The following ARHGAP24 variants were observed in gnomAD, a reference collection of about 807,000 sequenced individuals.
ARHGAP24 encodes the protein rho GTPase-activating protein 24.
ARHGAP24 carries 50 observed loss-of-function variants against 76.4 expected under a neutral mutation model. That is an observed-to-expected ratio of 0.65 (90% confidence interval 0.52 to 0.83). The LOEUF (loss-of-function observed/expected upper bound fraction) is 0.83, where lower values mean the gene tolerates loss of function less well. ARHGAP24 is among the 40% of genes least tolerant of loss of function. ARHGAP24 has a pLI of 0.00. For missense variants in ARHGAP24, 930 were observed against 914.2 expected (o/e 1.02, Z -0.22); for synonymous variants, 345 against 323.3 (o/e 1.07, Z -0.72).
rs138377989 is a variant in ARHGAP24 at position 85,850,395 on chromosome 4, A to C, written c.269-73253A>C. Among the ~76,000 whole-genome samples, 618 of 152,122 alleles carry C rather than the reference A, an allele frequency of 4.1e-3. 8 individuals are homozygous for C. Among genetic ancestry groups the C allele is most frequent in the African/African-American group, 0.013 (539 of 41,498 alleles). ...TCAATTTTGTTGATCTTTTCAAAAA[A>C]CCAGTTCGTGGATTCATTGATTTTT... On this transcript the variant is annotated intron_variant, in intron 3 of 9. Coordinates refer to ENST00000395184, the MANE Select transcript of ARHGAP24 (RefSeq NM_001025616.3).
At chr4:85,627,602 T>A (rs920137376) in intron 2 of ARHGAP24, among the ~76,000 whole-genome samples, 2 of 152,198 alleles carry the variant, frequency 1.3e-5, no homozygotes, top group African/African-American at 2.4e-5. Context: ...TTCAAAGCTG[T>A]CAGAGAGGGA....
At chr4:85,762,687 A>G (rs1437261073) in intron 3 of ARHGAP24, among the ~76,000 whole-genome samples, 1 of 152,162 alleles carries the variant, frequency 6.6e-6, no homozygotes, top group Admixed American at 6.6e-5. Flanking sequence ...GGATTCTTCC[A>G]GGTCCGTCTG....
intron 3 of ARHGAP24, among the ~76,000 whole-genome samples, chr4:85,775,131 A>G (rs1727266464): frequency 1.3e-5 from 2 of 152,210 alleles, no homozygotes; most frequent in Non-Finnish European, 2.9e-5. Context: ...CTATGAAAGA[A>G]AATTAAAATG....
intron 5 of ARHGAP24, among the ~76,000 whole-genome samples, chr4:85,971,614 A>G (rs1319223455): frequency 5.3e-5 from 8 of 152,162 alleles, no homozygotes; most frequent in Non-Finnish European, 1.0e-4. Flanking sequence ...TCTTTGTGTT[A>G]TAAGCATTCC....
rs773996446 is a variant in ARHGAP24 at position 86,000,539 on chromosome 4, T to C, written c.2064T>C (p.Asp688=). ...TEMMSLHDEL[D]QERKKFTMIE... ...TGATGAGCCTCCATGATGAACTGGA[T>C]CAGGAGAGGAAAAAGTTCACAATGA... The change falls in exon 10 of 10, where the codon GAT becomes GAC. Residue 688 remains aspartate, a synonymous_variant. Transcript: ENST00000395184. 2 of 1,597,466 alleles carry C rather than the reference T, an allele frequency of 1.3e-6. No individual in the cohort carries two copies. The highest frequency in any genetic ancestry group is 1.7e-5 in the Admixed American group (1 of 57,248).
chr4:85,870,786 G>T (rs1732483848), intron 3 of ARHGAP24, among the ~76,000 whole-genome samples: 1 of 152,078 alleles, frequency 6.6e-6, no homozygotes, highest in Admixed American at 6.6e-5. Flanking sequence ...TGTGTACAGA[G>T]GGAAGAATGT....
At chr4:85,510,638 G>T (rs1724241798) in intron 1 of ARHGAP24, among the ~76,000 whole-genome samples, 1 of 140,404 alleles carries the variant, frequency 7.1e-6, no homozygotes, top group Middle Eastern at 3.4e-3. Flanking sequence ...TCCTTCCCAG[G>T]TTCTCCAGGA....
At chr4:85,922,525 T>A (rs149449716) in intron 3 of ARHGAP24, among the ~76,000 whole-genome samples, 110 of 152,356 alleles carry the variant, frequency 7.2e-4, no homozygotes, top group Non-Finnish European at 1.0e-3. Flanking sequence ...CAACACTGCA[T>A]GAAAATTAAA....
intron 1 of ARHGAP24, among the ~76,000 whole-genome samples, chr4:85,556,507 G>A (rs142898212): frequency 1.2e-3 from 178 of 152,224 alleles, no homozygotes; most frequent in African/African-American, 2.4e-3. Flanking sequence ...TCCCCAGCCC[G>A]AGGACAGTCA....
At chr4:85,745,102 T>C (rs1725975564) in intron 3 of ARHGAP24, among the ~76,000 whole-genome samples, 1 of 151,910 alleles carries the variant, frequency 6.6e-6, no homozygotes. Context: ...CAGATATGAG[T>C]AAATTTGTGC....
intron 3 of ARHGAP24, among the ~76,000 whole-genome samples, chr4:85,912,425 G>A (rs1249367994): frequency 6.6e-6 from 1 of 152,130 alleles, no homozygotes; most frequent in East Asian, 1.9e-4. Flanking sequence ...AAGCTGTTGT[G>A]ATTGCAAACC....
chr4:85,638,607 T>C (rs1303434130), intron 2 of ARHGAP24, among the ~76,000 whole-genome samples: 1 of 152,130 alleles, frequency 6.6e-6, no homozygotes, highest in Non-Finnish European at 1.5e-5. Context: ...TCAACTTTCC[T>C]TTTGTGTGTG....
chr4:85,594,545 G>A (rs1298401621), intron 2 of ARHGAP24, among the ~76,000 whole-genome samples: 7 of 152,070 alleles, frequency 4.6e-5, no homozygotes, highest in Admixed American at 4.6e-4. Flanking sequence ...GTTAGAAGGA[G>A]AGATGATACC....
At chr4:85,594,868 C>T (rs531751394) in intron 2 of ARHGAP24, among the ~76,000 whole-genome samples, 25 of 152,118 alleles carry the variant, frequency 1.6e-4, no homozygotes, top group Admixed American at 5.2e-4. Flanking sequence ...CTAGACAAAA[C>T]CCAATTTTTT....
At chr4:85,673,179 C>G (rs527252132) in intron 2 of ARHGAP24, among the ~76,000 whole-genome samples, 2 of 152,168 alleles carry the variant, frequency 1.3e-5, no homozygotes, top group African/African-American at 2.4e-5. Flanking sequence ...TCCTTTTGTT[C>G]AAGTGCACTT....
chr4:85,806,974 A>T (rs559749580), intron 3 of ARHGAP24, among the ~76,000 whole-genome samples: 5 of 152,310 alleles, frequency 3.3e-5, no homozygotes, highest in African/African-American at 1.2e-4. Flanking sequence ...AAATAATTTT[A>T]TTTACCTTTT....
chr4:85,515,664 A>G (rs912911710), intron 1 of ARHGAP24, among the ~76,000 whole-genome samples: 2 of 151,898 alleles, frequency 1.3e-5, no homozygotes, highest in Non-Finnish European at 2.9e-5. Flanking sequence ...TGTGTGGTGT[A>G]TCCTAGTTTT....
intron 3 of ARHGAP24, among the ~76,000 whole-genome samples, chr4:85,810,941 C>T (rs1728988872): frequency 6.6e-6 from 1 of 152,158 alleles, no homozygotes; most frequent in South Asian, 2.1e-4. Flanking sequence ...GGTAGTTGTA[C>T]TTTTCATGAG....
At chr4:85,980,944 G>T (rs1174017169) in intron 8 of ARHGAP24, among the ~76,000 whole-genome samples, 2 of 152,100 alleles carry the variant, frequency 1.3e-5, no homozygotes, top group East Asian at 1.9e-4. Context: ...TCACCACCAC[G>T]CATTTACAAT....
Sources: gnomAD v4.1 joint callset for allele counts (sites outside exome capture counted in the v4.1 genomes callset) on GRCh38, gnomAD v4.1.1 for gene constraint, MANE v1.5 for transcripts, NCBI Gene and HGNC (gene_info 2026-07-23, HGNC 2026-07-21) for gene names.